Variants in OR14A2 observed in about 807,000 individuals in gnomAD.
The protein encoded by OR14A2 is olfactory receptor family 14 subfamily A member 2, also known as olfactory receptor 14A2.
For synonymous variants in OR14A2, 114 were observed against 58.6 expected (o/e 1.95, Z -4.32); for missense variants, 237 against 152.9 (o/e 1.55, Z -2.90).
At chr1:247,723,608 A>G in exon 1 of OR14A2, 1 of 718,418 alleles carries the variant, frequency 1.4e-6, no homozygotes, top group South Asian at 1.5e-5. Flanking sequence ...ATGGCCCAGG[A>G]AACACTTGCC....
At chr1:247,739,282 T>A in the OR14A2 span, 4 of 780,772 alleles carry the variant, frequency 5.1e-6, no homozygotes, top group Non-Finnish European at 9.6e-6. Flanking sequence ...TTCTCTGCTG[T>A]GTTAAGGATA....
the OR14A2 span, among the ~76,000 whole-genome samples, chr1:247,743,689 T>C: frequency 2.0e-5 from 3 of 152,194 alleles, no homozygotes; most frequent in Admixed American, 6.5e-5. Flanking sequence ...TATTGATTTA[T>C]AGGAGTTTTT....
chr1:247,728,273 G>C (rs184115907), upstream of OR14A2, among the ~76,000 whole-genome samples: 1,063 of 152,114 alleles, frequency 7.0e-3, 13 homozygotes, highest in Middle Eastern at 0.024. Context: ...TTCAATATAC[G>C]CAAATCAATA....
upstream of OR14A2, among the ~76,000 whole-genome samples, chr1:247,728,931 T>C (rs1034308852): frequency 6.6e-6 from 1 of 152,216 alleles, no homozygotes; most frequent in Non-Finnish European, 1.5e-5. Context: ...ATAAACTCCG[T>C]GTCAACATAG....
chr1:247,723,755 AG>A lies in OR14A2; in HGVS notation c.288del (p.Phe97SerfsTer5), dbSNP rs1409426256. On this transcript the variant is annotated frameshift_variant, in exon 1 of 1. Transcript: ENST00000366485. LOFTEE classifies it low-confidence loss of function (END_TRUNC). ...AAGGAAGTCATTAAAAGTAGCTGGA[AG>A]GCACATCCTAGAATGGAAATGGAAT... is the stretch of plus-strand genomic sequence containing the variant. The A allele has an allele frequency of 1.4e-6, 1 of 718,264 alleles. No homozygotes were observed. Among genetic ancestry groups the A allele is most frequent in the African/African-American group, 1.7e-5 (1 of 57,192 alleles). 44.5% of individuals were successfully genotyped at this position (718,264 alleles called of 1,614,324 possible). A position where few individuals can be genotyped will look rare whatever the true frequency, so the allele number is the denominator to read the frequency against.
chr1:247,739,545 G>A, the OR14A2 span: 2 of 774,788 alleles, frequency 2.6e-6, no homozygotes, highest in Admixed American at 3.5e-5. Context: ...AAGCAGTGGG[G>A]TAATGAAAAG....
At chr1:247,733,751 G>A in the OR14A2 span, among the ~76,000 whole-genome samples, 19 of 152,284 alleles carry the variant, frequency 1.2e-4, no homozygotes, top group African/African-American at 4.3e-4. Context: ...AAGCCAGAAT[G>A]TTTATTCTGT....
At chr1:247,724,061 G>A, upstream of OR14A2, 1 of 669,352 alleles carries the variant, frequency 1.5e-6, no homozygotes, top group Non-Finnish European at 2.7e-6. Flanking sequence ...TCTCTTCAGT[G>A]CCTGTCAAGG....
chr1:247,741,602 A>G, the OR14A2 span, among the ~76,000 whole-genome samples: 1 of 152,256 alleles, frequency 6.6e-6, no homozygotes, highest in Admixed American at 6.5e-5. Context: ...AAATCACACA[A>G]GTATGCATAT....
chr1:247,744,921 A>G, the OR14A2 span, among the ~76,000 whole-genome samples: 1 of 152,166 alleles, frequency 6.6e-6, no homozygotes, highest in East Asian at 1.9e-4. The surrounding 1 kb of genome is among the most constrained non-coding windows in gnomAD (Gnocchi z 4.3). Flanking sequence ...ACATTGTGGA[A>G]CTATAGGGTA....
the OR14A2 span, among the ~76,000 whole-genome samples, chr1:247,734,976 T>C: frequency 6.3e-4 from 96 of 152,320 alleles, no homozygotes; most frequent in African/African-American, 2.3e-3. Flanking sequence ...GAAAATAAAC[T>C]GTACCTCATC....
chr1:247,723,973 A>G (rs1660271189), exon 1 of OR14A2: 3 of 716,656 alleles, frequency 4.2e-6, no homozygotes, highest in African/African-American at 3.5e-5. Flanking sequence ...CACACCATAT[A>G]AAATCCGCAG....
downstream of OR14A2, chr1:247,723,092 GA>G (rs1228493434): frequency 3.0e-5 from 21 of 704,032 alleles, no homozygotes; most frequent in Non-Finnish European, 4.8e-5. Context: ...GACAGAACTT[GA>G]AAGTGTTAAA....
the OR14A2 span, among the ~76,000 whole-genome samples, chr1:247,730,778 G>A: frequency 6.6e-6 from 1 of 152,224 alleles, no homozygotes; most frequent in South Asian, 2.1e-4. Flanking sequence ...AGGGCCAGGA[G>A]AAGGTTGCTA....
chr1:247,741,576 A>G, the OR14A2 span, among the ~76,000 whole-genome samples: 1 of 152,246 alleles, frequency 6.6e-6, no homozygotes, highest in Non-Finnish European at 1.5e-5. Flanking sequence ...GAGAGCAACC[A>G]TACAGAGTGA....
the OR14A2 span, among the ~76,000 whole-genome samples, chr1:247,740,507 G>T: frequency 6.6e-6 from 1 of 152,098 alleles, no homozygotes; most frequent in African/African-American, 2.4e-5. Flanking sequence ...TTTTGGAGTA[G>T]AATATTTTTC....
At chr1:247,723,780 A>G in exon 1 of OR14A2, 2 of 718,224 alleles carry the variant, frequency 2.8e-6, no homozygotes, top group Non-Finnish European at 5.2e-6. Flanking sequence ...TGGAAATGGA[A>G]TTGTTGTGGG....
the OR14A2 span, among the ~76,000 whole-genome samples, chr1:247,734,686 T>A: frequency 0.053 from 8,003 of 152,246 alleles, 215 homozygotes; most frequent in Non-Finnish European, 0.067. Flanking sequence ...ATCAATAAGC[T>A]AATTTTTAAA....
upstream of OR14A2, among the ~76,000 whole-genome samples, chr1:247,725,048 G>T (rs1182516431): frequency 6.6e-6 from 1 of 151,738 alleles, no homozygotes; most frequent in Non-Finnish European, 1.5e-5. Flanking sequence ...TTTCCTAGGA[G>T]CTTTGTGTTG....
Sources: allele counts gnomAD v4.1 joint callset (sites outside exome capture counted in the v4.1 genomes callset), GRCh38; gene constraint gnomAD v4.1.1; non-coding constraint Gnocchi (gnomAD v3.1); transcripts MANE v1.5; gene names NCBI Gene and HGNC (gene_info 2026-07-23, HGNC 2026-07-21).